MUC5AC: variants seen among roughly 807,000 people sequenced by gnomAD.
MUC5AC encodes mucin-5AC.
MUC5AC carries 158 observed loss-of-function variants against 169.7 expected under a neutral mutation model. The ratio of observed to expected loss-of-function variants is 0.93; its 90% CI spans 0.82 to 1.06. The LOEUF is 1.06. MUC5AC is among the 50% of genes least tolerant of loss of function. The probability of loss-of-function intolerance (pLI) is 0.00; values close to 1 mark genes in which losing one functional copy is unlikely to be tolerated. For missense variants in MUC5AC, 4,359 were observed against 3,089.9 expected (o/e 1.41, Z -9.74); for synonymous variants, 1,975 against 1,237.0 (o/e 1.60, Z -12.52).
rs766867423 is a variant in MUC5AC, at chr11:1,200,584, G to C, written c.16847G>C (p.Gly5616Ala). 5.1e-5 allele frequency: 39 copies of C among 764,496 alleles called. No individual in the cohort carries two copies. Among genetic ancestry groups the C allele is most frequent in the Middle Eastern group, 2.3e-4 (1 of 4,430 alleles). The allele number at this position is 764,496 out of a possible 1,614,324, so 47.4% of individuals were successfully genotyped here. A position where few individuals can be genotyped will look rare whatever the true frequency, so the allele number is the denominator to read the frequency against. Reference protein sequence around the residue: ...YTEVEECGCMGRRCPAPGDTQ... With the variant: ...YTEVEECGCMARRCPAPGDTQ... ...GAGGTGGAAGAGTGCGGCTGCATGG[G>C]CCGGCGGTGCCCTGCGCCGGGCGAC... Residue 5616 changes from glycine (G) to alanine (A), a missense_variant, in exon 49 of 49, where the codon GGC (glycine) becomes GCC (alanine). By Grantham distance (60) the Gly-to-Ala change is moderately conservative. Transcript: ENST00000621226.
chr11:1,189,755 C>T lies in MUC5AC; in HGVS notation c.11610C>T (p.Ser3870=). ...TSSTTSAPTA[S]TISAPTTSTT... is the part of the protein sequence containing the mutation. Reference sequence around the variant, plus strand: ...GCACAACCTCTGCTCCTACAGCCAGCACAATCTCTGCCCCTACAACCAGCA... The same window carrying T: ...GCACAACCTCTGCTCCTACAGCCAGTACAATCTCTGCCCCTACAACCAGCA... The change falls in exon 31 of 49, where the codon AGC becomes AGT. Residue 3870 remains serine (S), a synonymous_variant. Coordinates refer to ENST00000621226, the MANE Select transcript of MUC5AC (RefSeq NM_001304359.2). 1.5e-6 allele frequency: 1 copy of T among 669,362 alleles called. No homozygotes were observed. The highest frequency in any genetic ancestry group is 1.7e-5 in the South Asian group (1 of 60,378). The allele number at this position is 669,362 out of a possible 1,614,324, so 41.5% of individuals were successfully genotyped here.
chr11:1,162,639 G>A lies in MUC5AC; in HGVS notation c.581G>A (p.Ser194Asn). Residue 194 changes from serine to asparagine, a missense_variant, in exon 5 of 49, where the codon AGC (serine) becomes AAC (asparagine). Ser to Asn is a conservative substitution (Grantham distance 46). Coordinates refer to ENST00000621226, the MANE Select transcript of MUC5AC (RefSeq NM_001304359.2). ...GLVLMWNHDD[S>N]LLLELDTKYA... ...GTCCTCATGTGGAACCACGATGACA[G>A]CCTGCTGGTGAGGCTGGGTGGGGGT... 1 of 1,612,586 alleles carries A rather than the reference G, an allele frequency of 6.2e-7. No individual in the cohort carries two copies. The highest frequency in any genetic ancestry group is 8.5e-7 in the Non-Finnish European group (1 of 1,179,696).
chr11:1,173,003 C>A (rs1860584210), intron 16 of MUC5AC, among the ~76,000 whole-genome samples: 1 of 150,882 alleles, frequency 6.6e-6, no homozygotes, highest in Admixed American at 6.6e-5. Flanking sequence ...CTCACTCACC[C>A]GTTCACCCAT....
chr11:1,187,145 T>C lies in MUC5AC; in HGVS notation c.9000T>C (p.Pro3000=). ...SAPTTSTTSA[P]TTSTISAPTT... ...CCACAACAAGCACAACCTCTGCCCCTACAACCAGCACAATCTCGGCCCCAA... is the reference window on the plus strand; with the variant it reads ...CCACAACAAGCACAACCTCTGCCCCCACAACCAGCACAATCTCGGCCCCAA... Residue 3000 remains proline, a synonymous_variant, in exon 31 of 49, where the codon CCT becomes CCC. Transcript: ENST00000621226. 1.4e-6 allele frequency: 1 copy of C among 712,240 alleles called. No individual in the cohort carries two copies. The highest frequency in any genetic ancestry group is 2.5e-6 in the Non-Finnish European group (1 of 392,268). The allele number at this position is 712,240 out of a possible 1,614,324, so 44.1% of individuals were successfully genotyped here.
At chr11:1,176,291 T>C (rs879066087) in intron 20 of MUC5AC, 40 bp downstream of exon 20, 67,816 of 398,652 alleles carry the variant, frequency 0.17, 6,488 homozygotes, top group Non-Finnish European at 0.2. Flanking sequence ...ACCCTCCATC[T>C]GCCCCTGCCT....
At chr11:1,158,133 A>G (rs905916261) in intron 1 of MUC5AC, 61 bp downstream of exon 1, 2 of 1,435,962 alleles carry the variant, frequency 1.4e-6, no homozygotes, top group Non-Finnish European at 9.5e-7. Context: ...AGTGGGCCTC[A>G]GGCAGCTCAG....
Position 1,174,600 on chromosome 11 carries a change from C to A in MUC5AC, c.2070C>A (p.Gly690=), listed in dbSNP as rs1860627807. The A allele has an allele frequency of 2.2e-6, 3 of 1,369,824 alleles. No homozygotes were observed. The highest frequency in any genetic ancestry group is 2.0e-6 in the Non-Finnish European group (2 of 995,460). The allele number at this position is 1,369,824 out of a possible 1,614,324, so 84.9% of individuals were successfully genotyped here. The change falls in exon 17 of 49, where the codon GGC becomes GGA. Residue 690 remains glycine, a synonymous_variant. Transcript: ENST00000621226. ...HACAAKGVQL[G]GWRDGVCTKP... is the part of the protein sequence containing the mutation. ...GTGCCGCCAAGGGCGTGCAGCTCGGCGGCTGGAGGGACGGCGTCTGCAGTG... is the reference window on the plus strand; with the variant it reads ...GTGCCGCCAAGGGCGTGCAGCTCGGAGGCTGGAGGGACGGCGTCTGCAGTG...
Position 1,194,473 on chromosome 11 carries a change from C to T in MUC5AC, c.15007-14C>T, listed in dbSNP as rs1362753655. 1.9e-5 allele frequency: 14 copies of T among 746,884 alleles called. No individual in the cohort carries two copies. The highest frequency in any genetic ancestry group is 4.9e-5 in the East Asian group (2 of 40,608). The allele number at this position is 746,884 out of a possible 1,614,324, so 46.3% of individuals were successfully genotyped here. ...CTGCCTTCTGACTTCCCGTCGACCA[C>T]GCCCTGCGTCCAGATCATCTTCAAC... On this transcript the variant is annotated splice_polypyrimidine_tract_variant and intron_variant, in intron 34 of 48. Coordinates refer to ENST00000621226, the MANE Select transcript of MUC5AC (RefSeq NM_001304359.2).
intron 35 of MUC5AC, 37 bp from the exon 36 acceptor site, chr11:1,194,975 G>A: frequency 1.5e-6 from 1 of 688,446 alleles, no homozygotes; most frequent in East Asian, 2.7e-5. Flanking sequence ...AGCCGGCTCT[G>A]CTGTCCAGCA....
In MUC5AC at chr11:1,182,469, C is replaced by T; in HGVS notation, c.4324C>T (p.Leu1442=). ...EDAPGVPLRA[L]GQRVQCSPDV... is the part of the protein sequence containing the mutation. ...CGCCCCCGGAGTGCCGCTCCGAGCCCTGGGGCAGCGTGTGCAGTGCAGCCC... is the reference window on the plus strand; with the variant it reads ...CGCCCCCGGAGTGCCGCTCCGAGCCTTGGGGCAGCGTGTGCAGTGCAGCCC... Residue 1442 remains leucine, a synonymous_variant, in exon 31 of 49, where the codon CTG becomes TTG. Transcript: ENST00000621226. The T allele has an allele frequency of 2.5e-6, 1 of 398,730 alleles. No homozygotes were observed. Among genetic ancestry groups the T allele is most frequent in the Admixed American group, 4.4e-5 (1 of 22,748 alleles). The allele number at this position is 398,730 out of a possible 1,614,324, so 24.7% of individuals were successfully genotyped here.
chr11:1,167,900 T>G lies in MUC5AC; in HGVS notation c.1410T>G (p.Thr470=). Residue 470 remains threonine, a synonymous_variant, in exon 12 of 49, where the codon ACT becomes ACG. Transcript: ENST00000621226. ...LTKPCDSSAF[T]VLAELRRCGL... is the part of the protein sequence containing the mutation. ...AGCCCTGTGACAGCAGTGCCTTCAC[T>G]GTACTGGCTGAGCTGCGCAGGTGCG... 1 of 1,550,456 alleles carries G rather than the reference T, an allele frequency of 6.4e-7. No homozygotes were observed. The highest frequency in any genetic ancestry group is 8.7e-7 in the Non-Finnish European group (1 of 1,147,024).
At chr11:1,158,676 C>T (rs548747109) in intron 1 of MUC5AC, among the ~76,000 whole-genome samples, 5 of 152,230 alleles carry the variant, frequency 3.3e-5, no homozygotes, top group African/African-American at 4.8e-5. Flanking sequence ...TTCCCTTCCT[C>T]TGCTTCTGAG....
chr11:1,180,334 C>G lies in MUC5AC; in HGVS notation c.3614-20C>G, dbSNP rs1373727452. 2.5e-6 allele frequency: 1 copy of G among 398,646 alleles called. No homozygotes were observed. The highest frequency in any genetic ancestry group is 4.4e-6 in the Non-Finnish European group (1 of 226,148). 24.7% of individuals were successfully genotyped at this position (398,646 alleles called of 1,614,324 possible). ...GACGACACTCGGTCTGGTTGTGACTCTGGCCTCTTTGGCCCACAGGCTGCT... is the reference window on the plus strand; with the variant it reads ...GACGACACTCGGTCTGGTTGTGACTGTGGCCTCTTTGGCCCACAGGCTGCT... On this transcript the variant is annotated intron_variant, in intron 27 of 48. Transcript: ENST00000621226.
chr11:1,195,858 T>A lies in MUC5AC; in HGVS notation c.15459-18T>A, dbSNP rs28652890. 6 of 745,658 alleles carry A rather than the reference T, an allele frequency of 8.0e-6. No homozygotes were observed. The East Asian group carries it at 1.5e-4, about 19-fold the overall frequency. 46.2% of individuals were successfully genotyped at this position (745,658 alleles called of 1,614,324 possible). A position where few individuals can be genotyped will look rare whatever the true frequency, so the allele number is the denominator to read the frequency against. On this transcript the variant is annotated intron_variant, in intron 36 of 48. Transcript: ENST00000621226. ...GCCGGAGAGGCTGCACCCAGCACCC[T>A]GCCCATCCCTCCCACAGGGTCTTTG...
At position 1,188,818 on chromosome 11, in the gene MUC5AC, G is replaced by A. The variant is rs1266999504; in HGVS notation, c.10673G>A (p.Cys3558Tyr). 1.3e-6 allele frequency: 1 copy of A among 756,742 alleles called. No homozygotes were observed. Among genetic ancestry groups the A allele is most frequent in the Non-Finnish European group, 2.4e-6 (1 of 413,366 alleles). The allele number at this position is 756,742 out of a possible 1,614,324, so 46.9% of individuals were successfully genotyped here. ...NNIIRSGEKI[C>Y]RRPEEITRLQ... The stretch of plus-strand genomic sequence containing the variant: ...ATCATCAGGAGTGGGGAAAAAATCT[G>A]CCGCCGACCTGAGGAGATCACCAGG... The change falls in exon 31 of 49, where the codon TGC (cysteine) becomes TAC (tyrosine). Residue 3558 changes from cysteine (C) to tyrosine (Y), a missense_variant. Transcript: ENST00000621226.
rs1233808114 is a variant in MUC5AC at position 1,186,674 on chromosome 11, C to G, written c.8529C>G (p.Ser2843Arg). The change falls in exon 31 of 49, where the codon AGC (serine) becomes AGG (arginine). Residue 2843 changes from serine to arginine, a missense_variant. By Grantham distance (110) the Ser-to-Arg change is moderately radical (BLOSUM62 -1). Coordinates refer to ENST00000621226, the MANE Select transcript of MUC5AC (RefSeq NM_001304359.2). Reference protein sequence around the residue: ...GTTSSPVPTTSTTSAPTTSTT... With the variant: ...GTTSSPVPTTRTTSAPTTSTT... ...CTTCAAGCCCTGTTCCCACCACCAG[C>G]ACAACCTCTGCCCCTACAACCAGCA... 8.1e-6 allele frequency: 6 copies of G among 741,596 alleles called. No individual in the cohort carries two copies. Among genetic ancestry groups the G allele is most frequent in the Non-Finnish European group, 1.5e-5 (6 of 406,216 alleles). The allele number at this position is 741,596 out of a possible 1,614,324, so 45.9% of individuals were successfully genotyped here.
intron 15 of MUC5AC, among the ~76,000 whole-genome samples, chr11:1,169,970 C>T (rs1860452813): frequency 7.5e-6 from 1 of 133,678 alleles, no homozygotes; most frequent in Non-Finnish European, 1.6e-5. Flanking sequence ...ACCCACTCAC[C>T]TACTCACTCA....
Position 1,196,909 on chromosome 11 carries a change from G to C in MUC5AC, c.15861+1G>C. ...GGGGCCCCACGGAGAGCCGGTGAAG[G>C]TGAGTGGAAGGCATGGCCCAAGAGG... On this transcript the variant is annotated splice_donor_variant, in intron 40 of 48. Coordinates refer to ENST00000621226, the MANE Select transcript of MUC5AC (RefSeq NM_001304359.2). LOFTEE classifies it high-confidence loss of function. The C allele has an allele frequency of 1.3e-6, 1 of 762,890 alleles. No individual in the cohort carries two copies. Among genetic ancestry groups the C allele is most frequent in the Non-Finnish European group, 2.4e-6 (1 of 417,014 alleles). 47.3% of individuals were successfully genotyped at this position (762,890 alleles called of 1,614,324 possible).
intron 10 of MUC5AC, 31 bp from the exon 11 acceptor site, chr11:1,165,591 G>A: frequency 6.2e-7 from 1 of 1,609,396 alleles, no homozygotes. Flanking sequence ...CCTGGGGCCG[G>A]CACCCACGTG....
Sources: gnomAD v4.1 joint callset for allele counts (sites outside exome capture counted in the v4.1 genomes callset) on GRCh38, gnomAD v4.1.1 for gene constraint, MANE v1.5 for transcripts, NCBI Gene and HGNC (gene_info 2026-07-23, HGNC 2026-07-21) for gene names.